The following ZNF438 variants were observed in gnomAD, a reference collection of about 807,000 sequenced individuals.
The protein encoded by ZNF438 is zinc finger protein 438.
Under a neutral mutation model 38.0 loss-of-function variants are expected in ZNF438, and 25 were observed. The ratio of observed to expected loss-of-function variants is 0.66; its 90% CI spans 0.48 to 0.92. The LOEUF is 0.92. Ranked by LOEUF, ZNF438 falls within the 40% of genes least tolerant of loss-of-function variation. The pLI, the probability that ZNF438 is intolerant of heterozygous loss-of-function variation, is 0.00. For missense variants in ZNF438, 1,007 were observed against 999.6 expected (o/e 1.01, Z -0.10); for synonymous variants, 372 against 364.1 (o/e 1.02, Z -0.25).
chr10:30,885,761 G>C (rs73243084), intron 3 of ZNF438, among the ~76,000 whole-genome samples: 9,819 of 152,064 alleles, frequency 0.065, 998 homozygotes, highest in African/African-American at 0.22. Flanking sequence ...ATGTCTCTGT[G>C]CAACTATTAA....
chr10:30,881,209 A>G (rs1437938645), intron 3 of ZNF438, among the ~76,000 whole-genome samples: 1 of 152,218 alleles, frequency 6.6e-6, no homozygotes, highest in Non-Finnish European at 1.5e-5. Flanking sequence ...TTATCTGCAG[A>G]TGACATGATT....
chr10:30,949,759 G>C (rs2047932959), intron 1 of ZNF438, among the ~76,000 whole-genome samples: 1 of 151,536 alleles, frequency 6.6e-6, no homozygotes. Context: ...AGTCCTGAGT[G>C]ACCTACAAAG....
intron 4 of ZNF438, among the ~76,000 whole-genome samples, chr10:30,867,118 T>C (rs2036576665): frequency 6.6e-6 from 1 of 151,988 alleles, no homozygotes. Flanking sequence ...CAAAGAAAAA[T>C]ATCCATGATT....
chr10:30,949,280 C>G (rs1234024603), intron 1 of ZNF438, among the ~76,000 whole-genome samples: 1 of 152,100 alleles, frequency 6.6e-6, no homozygotes, highest in Non-Finnish European at 1.5e-5. Flanking sequence ...AAACCGGTAC[C>G]AGCCACTGCA....
intron 4 of ZNF438, among the ~76,000 whole-genome samples, chr10:30,867,802 T>C (rs896692432): frequency 6.6e-6 from 1 of 152,174 alleles, no homozygotes; most frequent in Non-Finnish European, 1.5e-5. Context: ...GTTTTGATAA[T>C]AAAGTATTAA....
chr10:30,872,657 G>A (rs1446303384), intron 4 of ZNF438, among the ~76,000 whole-genome samples: 1 of 147,174 alleles, frequency 6.8e-6, no homozygotes, highest in Admixed American at 7.0e-5. Flanking sequence ...GGCTGAGGCA[G>A]GAGAATGGCA....
At chr10:30,901,072 A>G (rs559203134) in intron 3 of ZNF438, among the ~76,000 whole-genome samples, 32 of 152,328 alleles carry the variant, frequency 2.1e-4, no homozygotes, top group African/African-American at 7.7e-4. Flanking sequence ...GCAGATTTAT[A>G]GTATTTGCCC....
intron 1 of ZNF438, among the ~76,000 whole-genome samples, chr10:30,991,179 C>T (rs934660603): frequency 1.3e-5 from 2 of 152,144 alleles, no homozygotes; most frequent in African/African-American, 2.4e-5. Flanking sequence ...CCAGAAGGTC[C>T]GGTCAAGAAT....
Position 30,945,208 on chromosome 10 carries a change from G to A in ZNF438, c.-191-3557C>T, listed in dbSNP as rs112482910. 1.5e-3 allele frequency among the ~76,000 whole-genome samples: 234 copies of A among 151,610 alleles called. 2 individuals carry two copies. The highest frequency in any genetic ancestry group is 5.5e-3 in the African/African-American group (226 of 41,410). ...TATTTTAAGGCTCTGTTAGTATCAG[G>A]CTTACAGACATTTAAAATTATGTCT... On this transcript the variant is annotated intron_variant, in intron 1 of 5. Coordinates refer to ENST00000413025, the Ensembl canonical transcript of ZNF438.
At chr10:30,845,262 T>C in exon 6 of ZNF438, 3 of 1,614,120 alleles carry the variant, frequency 1.9e-6, no homozygotes, top group South Asian at 1.1e-5. Context: ...AAGGTGGAGC[T>C]GCCTTTTCAG....
intron 2 of ZNF438, among the ~76,000 whole-genome samples, chr10:30,941,358 C>T (rs1394750956): frequency 6.6e-6 from 1 of 152,174 alleles, no homozygotes; most frequent in African/African-American, 2.4e-5. Context: ...AGGCATGAGC[C>T]ACCATGCCTG....
intron 3 of ZNF438, among the ~76,000 whole-genome samples, chr10:30,894,666 A>G (rs897864139): frequency 6.6e-6 from 1 of 152,202 alleles, no homozygotes; most frequent in Non-Finnish European, 1.5e-5. Flanking sequence ...AGAAAGAAAA[A>G]GTAGGAAGAA....
chr10:31,024,734 C>T (rs1301396090), intron 1 of ZNF438, among the ~76,000 whole-genome samples: 1 of 152,124 alleles, frequency 6.6e-6, no homozygotes, highest in Non-Finnish European at 1.5e-5. Context: ...CTTCATTGGT[C>T]TAATAGTGAG....
chr10:31,001,686 TTGCCATAAGTTACAC>T (rs754121048), intron 1 of ZNF438, among the ~76,000 whole-genome samples: 82 of 152,336 alleles, frequency 5.4e-4, no homozygotes, highest in Non-Finnish European at 6.3e-4. Flanking sequence ...TTACAAAATT[TTGCCATAAGTTACAC>T]TTATAATTGC....
chr10:30,978,683 CTT>C (rs2051728175), intron 1 of ZNF438, among the ~76,000 whole-genome samples: 1 of 152,174 alleles, frequency 6.6e-6, no homozygotes, highest in African/African-American at 2.4e-5. Context: ...AAATTTATCT[CTT>C]CTCACACTTC....
intron 2 of ZNF438, chr10:30,919,539 T>C (rs2134871429): frequency 6.6e-6 from 1 of 152,332 alleles, no homozygotes; most frequent in Admixed American, 6.5e-5. Flanking sequence ...TATGTTCTTA[T>C]TCACTTAAAA....
chr10:30,854,740 C>A (rs763043307), intron 4 of ZNF438, among the ~76,000 whole-genome samples: 1 of 151,892 alleles, frequency 6.6e-6, no homozygotes, highest in Non-Finnish European at 1.5e-5. Context: ...AAATAGTCAA[C>A]GAAACAAGCA....
chr10:30,978,303 A>G (rs1297322520), intron 1 of ZNF438, among the ~76,000 whole-genome samples: 1 of 152,102 alleles, frequency 6.6e-6, no homozygotes, highest in Non-Finnish European at 1.5e-5. Context: ...TATATTCTTT[A>G]TGTATATTGT....
At position 30,848,998 on chromosome 10, in the gene ZNF438, CA is replaced by C. The variant is rs774184645; in HGVS notation, c.1406del (p.Leu469CysfsTer2). 3.1e-6 allele frequency: 5 copies of C among 1,614,038 alleles called. No individual in the cohort carries two copies. The highest frequency in any genetic ancestry group is 4.2e-6 in the Non-Finnish European group (5 of 1,180,042). On this transcript the variant is annotated frameshift_variant, in exon 5 of 6. Transcript: ENST00000413025. LOFTEE classifies it high-confidence loss of function. ...ATTTAGGAGTGAGTGAATTATTTAA[CA>C]AAACATCCTGTCCTAGGCCCCCAAG...
Sources: allele counts gnomAD v4.1 joint callset (sites outside exome capture counted in the v4.1 genomes callset), GRCh38; gene constraint gnomAD v4.1.1; transcripts MANE v1.5; gene names NCBI Gene and HGNC (gene_info 2026-07-23, HGNC 2026-07-21).